Variants in DOCK10 observed in about 807,000 individuals in gnomAD.
The protein encoded by DOCK10 is dedicator of cytokinesis protein 10.
A neutral mutation model predicts 280.1 loss-of-function variants in DOCK10; 145 were observed. The ratio of observed to expected loss-of-function variants is 0.52; its 90% CI spans 0.45 to 0.59. The LOEUF is 0.59. Ranked by LOEUF, DOCK10 falls within the 20% of genes least tolerant of loss-of-function variation. DOCK10 has a pLI of 0.00. For missense variants in DOCK10, 2,368 were observed against 2,651.7 expected, an observed-to-expected ratio of 0.89 and a Z score of 2.35; for synonymous variants, 915 against 942.2, an observed-to-expected ratio of 0.97 and a Z score of 0.53.
chr2:225,039,424 T>G (rs1690354449), intron 1 of DOCK10, among the ~76,000 whole-genome samples: 1 of 152,202 alleles, frequency 6.6e-6, no homozygotes, highest in Non-Finnish European at 1.5e-5. Context: ...CAAATATTTC[T>G]CCTTTTGAAA....
At chr2:224,840,313 A>T (rs1695881017) in intron 23 of DOCK10, 2 of 330,214 alleles carry the variant, frequency 6.1e-6, no homozygotes, top group Non-Finnish European at 1.1e-5. Flanking sequence ...TGGAGTAAAG[A>T]GACAACTTTA....
rs374517378 is a variant in DOCK10, at chr2:224,844,786, C to A, written c.2535G>T (p.Val845=). 1.2e-5 allele frequency: 19 copies of A among 1,604,360 alleles called. No homozygotes were observed. The African/African-American group carries it at 2.0e-4, about 17-fold the overall frequency. ...TTACTGTTGATACAACAAATGTCGA[C>A]ACTTTGAAAAGTGGTTTGCCACCAT... ...WVDGGKPLFK[V]STFVVSTVNT... is the part of the protein sequence containing the mutation. The change falls in exon 22 of 56, where the codon GTG becomes GTT. Residue 845 remains valine, a synonymous_variant. Coordinates refer to ENST00000258390, the MANE Select transcript of DOCK10 (RefSeq NM_014689.3).
intron 1 of DOCK10, among the ~76,000 whole-genome samples, chr2:224,964,504 T>G (rs1704622454): frequency 6.6e-6 from 1 of 152,080 alleles, no homozygotes; most frequent in Non-Finnish European, 1.5e-5. Flanking sequence ...CGTTTCTTTC[T>G]TTTTTCTTTT....
intron 1 of DOCK10, among the ~76,000 whole-genome samples, chr2:225,029,169 A>T (rs1191903842): frequency 6.6e-6 from 1 of 151,744 alleles, no homozygotes; most frequent in East Asian, 1.9e-4. Context: ...ATTTTATTTT[A>T]TTTATTTATT....
chr2:224,823,445 T>C, intron 28 of DOCK10, 56 bp downstream of exon 28: 1 of 1,455,624 alleles, frequency 6.9e-7, no homozygotes, highest in Non-Finnish European at 9.1e-7. Context: ...GTTTAGACTA[T>C]CTTGCATCCA....
chr2:224,997,694 G>A (rs530022432), intron 1 of DOCK10, among the ~76,000 whole-genome samples: 3 of 152,252 alleles, frequency 2.0e-5, no homozygotes, highest in African/African-American at 7.2e-5. Context: ...AGCCCATGTA[G>A]GAGTACATGC....
At chr2:224,891,001 T>G (rs1699623610) in intron 4 of DOCK10, among the ~76,000 whole-genome samples, 1 of 152,232 alleles carries the variant, frequency 6.6e-6, no homozygotes, top group Non-Finnish European at 1.5e-5. Context: ...AGAGGCAGTG[T>G]GTCAATGTTT....
chr2:224,861,682 A>G (rs955907132), intron 14 of DOCK10: 1 of 152,244 alleles, frequency 6.6e-6, no homozygotes, highest in Non-Finnish European at 1.5e-5. Flanking sequence ...TCTGGATGCT[A>G]AAGTTGGATA....
At chr2:224,833,409 C>G (rs1048836372) in intron 26 of DOCK10, among the ~76,000 whole-genome samples, 1 of 152,038 alleles carries the variant, frequency 6.6e-6, no homozygotes, top group Non-Finnish European at 1.5e-5. Flanking sequence ...GACACACCAG[C>G]CATGCTGCTG....
intron 1 of DOCK10, among the ~76,000 whole-genome samples, chr2:224,971,560 C>A (rs1559896063): frequency 6.6e-6 from 1 of 151,950 alleles, no homozygotes; most frequent in Non-Finnish European, 1.5e-5. Flanking sequence ...TTCAATGCAG[C>A]CACCACTAGC....
At chr2:224,961,923 A>G (rs1385127941) in intron 1 of DOCK10, among the ~76,000 whole-genome samples, 1 of 152,228 alleles carries the variant, frequency 6.6e-6, no homozygotes, top group Non-Finnish European at 1.5e-5. Context: ...ATTTTTTAGC[A>G]TAAGAAGATG....
chr2:224,888,219 CTGTGTGTGTGTGTGTGTG>C (rs113299591), intron 4 of DOCK10, among the ~76,000 whole-genome samples: 1 of 140,086 alleles, frequency 7.1e-6, no homozygotes, highest in African/African-American at 2.6e-5. Context: ...TAATATAGGC[CTGTGTGTGTGTGTGTGTG>C]TGTGTGTGTG....
chr2:224,778,262 C>CCTT lies in DOCK10; in HGVS notation c.5675_5677dup (p.Glu1892dup), dbSNP rs774253031. ...AGGCTCTTTATAAATATACTCTTTA[C>CCTT]CTTCTTCTTCTTCAAAAAAGCCCTA... On this transcript the variant is annotated inframe_insertion, in exon 51 of 56. Transcript: ENST00000258390. 9 of 1,604,476 alleles carry CCTT rather than the reference C, an allele frequency of 5.6e-6. No individual in the cohort carries two copies. The highest frequency in any genetic ancestry group is 4.5e-5 in the East Asian group (2 of 44,722).
At chr2:224,938,781 C>T (rs903568344) in intron 1 of DOCK10, among the ~76,000 whole-genome samples, 8 of 152,142 alleles carry the variant, frequency 5.3e-5, no homozygotes, top group Admixed American at 1.3e-4. Flanking sequence ...GCTGGATGCA[C>T]GGCCGCAGCT....
At chr2:224,793,360 G>C in intron 46 of DOCK10, 40 bp downstream of exon 46, 1 of 1,513,846 alleles carries the variant, frequency 6.6e-7, no homozygotes, top group Non-Finnish European at 9.1e-7. Flanking sequence ...TCAATGTGTT[G>C]ATATCTAGGC....
intron 2 of DOCK10, among the ~76,000 whole-genome samples, chr2:224,925,299 T>A (rs1178532252): frequency 1.3e-5 from 2 of 152,204 alleles, no homozygotes; most frequent in Non-Finnish European, 2.9e-5. Flanking sequence ...AGTCCCCATA[T>A]ACCATTTGCT....
intron 16 of DOCK10, 128 bp downstream of exon 16, chr2:224,854,835 C>G: frequency 1.6e-6 from 1 of 617,858 alleles, no homozygotes; most frequent in Non-Finnish European, 2.7e-6. Flanking sequence ...AAACCCAAAA[C>G]CTTGTAACCA....
In DOCK10 at chr2:224,795,008, C is replaced by T; in HGVS notation, c.5025G>A (p.Glu1675=). 1.2e-6 allele frequency: 2 copies of T among 1,613,976 alleles called. No homozygotes were observed. Among genetic ancestry groups the T allele is most frequent in the Non-Finnish European group, 8.5e-7 (1 of 1,179,862 alleles). The change falls in exon 45 of 56, where the codon GAG becomes GAA. Residue 1675 remains glutamate, a synonymous_variant. Coordinates refer to ENST00000258390, the MANE Select transcript of DOCK10 (RefSeq NM_014689.3). ...LMATAQMKEH[E]KDPEMLVDLQ... ...GATCCACCAGCATCTCGGGGTCCTT[C>T]TCGTGCTCCTTCATCTGAGCTGTGG... is the stretch of plus-strand genomic sequence containing the variant.
rs778758251 is a variant in DOCK10, at chr2:224,765,710, C to T, written c.*11G>A. The T allele has an allele frequency of 3.8e-6, 6 of 1,575,502 alleles. No homozygotes were observed. The highest frequency in any genetic ancestry group is 1.7e-5 in the Admixed American group (1 of 59,466). ...AGTTCTCTTAGAGGTGGGTCTGATG[C>T]TGCAGAGCCCTCAGACTTCAGCACT... On this transcript the variant is annotated 3_prime_UTR_variant, in exon 56 of 56. Transcript: ENST00000258390.
Sources: gnomAD v4.1 joint callset for allele counts (sites outside exome capture counted in the v4.1 genomes callset) on GRCh38, gnomAD v4.1.1 for gene constraint, MANE v1.5 for transcripts, NCBI Gene and HGNC (gene_info 2026-07-23, HGNC 2026-07-21) for gene names.